The following B3GALT5 variants were observed in gnomAD, a reference collection of about 807,000 sequenced individuals.
The protein encoded by B3GALT5 is UDP-Gal:betaGlcNAc beta 1,3-galactosyltransferase, polypeptide 5.
For synonymous variants in B3GALT5, 156 were observed against 158.6 expected (o/e 0.98, Z 0.12); for missense variants, 328 against 396.6 (o/e 0.83, Z 1.47).
At chr21:39,632,168 A>G (rs955938923) in intron 1 of B3GALT5, among the ~76,000 whole-genome samples, 2 of 152,160 alleles carry the variant, frequency 1.3e-5, no homozygotes, top group Non-Finnish European at 2.9e-5. Context: ...ATTCTGTTCT[A>G]TTCTACTAGT....
intron 1 of B3GALT5, among the ~76,000 whole-genome samples, chr21:39,629,283 G>A (rs186159705): frequency 6.6e-6 from 1 of 152,314 alleles, no homozygotes; most frequent in Admixed American, 6.5e-5. Context: ...CCAAAGTGCT[G>A]GGATTATAGG....
At chr21:39,630,060 T>G (rs1455442312) in intron 1 of B3GALT5, among the ~76,000 whole-genome samples, 2 of 152,258 alleles carry the variant, frequency 1.3e-5, no homozygotes, top group Non-Finnish European at 2.9e-5. Flanking sequence ...TGACTAGTTT[T>G]GGTTTTTGTG....
At position 39,661,353 on chromosome 21, in the gene B3GALT5, C is replaced by T. The variant is rs1178784825; in HGVS notation, c.794C>T (p.Thr265Ile). ...IRLEELHSQP[T>I]FFPGGLRFSV... ...TTGGAGGAGCTCCACTCCCAGCCGA[C>T]CTTTTTTCCAGGGGGCTTACGCTTC... Residue 265 changes from threonine (T) to isoleucine (I), a missense_variant, in exon 4 of 4, where the codon ACC becomes ATC. Transcript: ENST00000684187. This position sits in a 1 kb window ranked among gnomAD's most constrained non-coding sequence, Gnocchi z 4.7. The T allele has an allele frequency of 6.2e-7, 1 of 1,611,414 alleles. No homozygotes were observed. The highest frequency in any genetic ancestry group is 1.7e-5 in the Admixed American group (1 of 59,632).
In B3GALT5 at chr21:39,659,830, C is replaced by T; in HGVS notation, c.-83C>T. ...ATAATTATGGAGCATTCTACACTGA[C>T]AGTTCTTTGAGACAAATTTCCTCTT... On this transcript the variant is annotated 5_prime_UTR_variant, in exon 3 of 4. Coordinates refer to ENST00000684187, the MANE Select transcript of B3GALT5 (RefSeq NM_001356336.2). 1.0e-6 allele frequency: 1 copy of T among 984,884 alleles called. No homozygotes were observed. Among genetic ancestry groups the T allele is most frequent in the Non-Finnish European group, 1.2e-6 (1 of 829,766 alleles). The allele number at this position is 984,884 out of a possible 1,614,324, so 61.0% of individuals were successfully genotyped here.
At position 39,661,312 on chromosome 21, in the gene B3GALT5, AAGGCTGAACATC is replaced by A. The variant is rs2079519990; in HGVS notation, c.756_767del (p.Asn254_Leu257del). ...ACGTGTTTGTGGGGCTCTGCCTCGA[AAGGCTGAACATC>A]AGATTGGAGGAGCTCCACTCCCAGC... On this transcript the variant is annotated inframe_deletion, in exon 4 of 4. Transcript: ENST00000684187. This position sits in a 1 kb window ranked among gnomAD's most constrained non-coding sequence, Gnocchi z 4.7. 8 of 1,614,160 alleles carry A rather than the reference AAGGCTGAACATC, an allele frequency of 5.0e-6. No homozygotes were observed. Among genetic ancestry groups the A allele is most frequent in the Non-Finnish European group, 6.8e-6 (8 of 1,180,030 alleles).
In B3GALT5 at chr21:39,660,917, A is replaced by C. The variant is rs756537928; in HGVS notation, c.358A>C (p.Ile120Leu). 2 of 1,609,766 alleles carry C rather than the reference A, an allele frequency of 1.2e-6. No individual in the cohort carries two copies. Among genetic ancestry groups the C allele is most frequent in the African/African-American group, 1.3e-5 (1 of 74,970 alleles). ...GGAGAGCCAGCGACACGGGGACATTATCCAGAAGGATTTCCTAGACGTCTA... is the reference window on the plus strand; with the variant it reads ...GGAGAGCCAGCGACACGGGGACATTCTCCAGAAGGATTTCCTAGACGTCTA... ...DQESQRHGDI[I>L]QKDFLDVYYN... Residue 120 changes from isoleucine to leucine, a missense_variant, in exon 4 of 4, where the codon ATC becomes CTC. By Grantham distance (5) the Ile-to-Leu change is conservative (BLOSUM62 2). Coordinates refer to ENST00000684187, the MANE Select transcript of B3GALT5 (RefSeq NM_001356336.2).
At position 39,661,307 on chromosome 21, in the gene B3GALT5, C is replaced by A; in HGVS notation, c.748C>A (p.Leu250Ile). 6.2e-7 allele frequency: 1 copy of A among 1,614,142 alleles called. No individual in the cohort carries two copies. Among genetic ancestry groups the A allele is most frequent in the Non-Finnish European group, 8.5e-7 (1 of 1,180,034 alleles). ...GGAAGACGTGTTTGTGGGGCTCTGC[C>A]TCGAAAGGCTGAACATCAGATTGGA... ...KLEDVFVGLCLERLNIRLEEL... is the reference protein window; with the variant it reads ...KLEDVFVGLCIERLNIRLEEL... The change falls in exon 4 of 4, where the codon CTC (leucine) becomes ATC (isoleucine). Residue 250 changes from leucine to isoleucine, a missense_variant. By Grantham distance (5) the Leu-to-Ile change is conservative. Coordinates refer to ENST00000684187, the MANE Select transcript of B3GALT5 (RefSeq NM_001356336.2). This position sits in a 1 kb window ranked among gnomAD's most constrained non-coding sequence, Gnocchi z 4.7.
At chr21:39,631,794 T>C (rs2079193422) in intron 1 of B3GALT5, among the ~76,000 whole-genome samples, 1 of 152,186 alleles carries the variant, frequency 6.6e-6, no homozygotes, top group South Asian at 2.1e-4. Flanking sequence ...TATGAAGGTA[T>C]GCACGAGGAA....
intron 2 of B3GALT5, among the ~76,000 whole-genome samples, chr21:39,647,651 T>C (rs759864930): frequency 3.3e-5 from 5 of 152,168 alleles, no homozygotes; most frequent in Non-Finnish European, 4.4e-5. Context: ...TCCGGCCCCT[T>C]GTTTAAAGTC....
chr21:39,660,455 G>GAGTTT, intron 3 of B3GALT5, 105 bp from the exon 4 acceptor site: 1 of 1,007,138 alleles, frequency 9.9e-7, no homozygotes. Context: ...CGAGGTTCTA[G>GAGTTT]AGTTTCCAAA....
At chr21:39,647,679 A>G (rs898488246) in intron 2 of B3GALT5, among the ~76,000 whole-genome samples, 1 of 151,628 alleles carries the variant, frequency 6.6e-6, no homozygotes, top group Admixed American at 6.6e-5. Context: ...TCCTTCCCCA[A>G]CCCTTTGTCT....
chr21:39,659,102 T>C (rs1003692521), intron 2 of B3GALT5, among the ~76,000 whole-genome samples: 4 of 152,068 alleles, frequency 2.6e-5, no homozygotes, highest in Non-Finnish European at 4.4e-5. Flanking sequence ...TAGAAGAGTA[T>C]GGTGGCATGC....
chr21:39,654,467 A>C (rs1315018530), intron 2 of B3GALT5, among the ~76,000 whole-genome samples: 1 of 152,230 alleles, frequency 6.6e-6, no homozygotes, highest in Non-Finnish European at 1.5e-5. Flanking sequence ...ACTCCTGGTG[A>C]AGATGCTGTG....
At chr21:39,659,298 C>T (rs911040201) in intron 2 of B3GALT5, among the ~76,000 whole-genome samples, 1 of 152,192 alleles carries the variant, frequency 6.6e-6, no homozygotes, top group African/African-American at 2.4e-5. Context: ...TTCACTCTTT[C>T]AGTTTCATTT....
rs116341199 is a variant in B3GALT5, at chr21:39,664,942, C to A, written c.*3450C>A. 1 of 152,292 alleles carries A rather than the reference C, an allele frequency of 6.6e-6. No individual in the cohort carries two copies. The highest frequency in any genetic ancestry group is 1.5e-5 in the Non-Finnish European group (1 of 68,144). 9.4% of individuals were successfully genotyped at this position (152,292 alleles called of 1,614,324 possible). A position where few individuals can be genotyped will look rare whatever the true frequency, so the allele number is the denominator to read the frequency against. On this transcript the variant is annotated 3_prime_UTR_variant, in exon 4 of 4. Transcript: ENST00000684187. The stretch of plus-strand genomic sequence containing the variant: ...GGGCCCCCTTTCTTCCCTGGTTATA[C>A]CCAGTCCTCCGAGGGGCCCACCTTG...
At chr21:39,614,289 AT>A (rs2079096192) in intron 1 of B3GALT5, among the ~76,000 whole-genome samples, 2 of 151,918 alleles carry the variant, frequency 1.3e-5, no homozygotes, top group African/African-American at 4.8e-5. Flanking sequence ...ATCTCCTTTC[AT>A]TTTTTCCTTC....
rs373522826 is a variant in B3GALT5, at chr21:39,655,719, A to G, written c.-160-4034A>G. 4.8e-4 allele frequency among the ~76,000 whole-genome samples: 73 copies of G among 152,262 alleles called. 2 individuals are homozygous for G. In the South Asian group the frequency reaches 0.015, roughly 30 times the overall value. ...TAGTCTCGTGGAAAATTTGCCTCCT[A>G]AAATGTCTTTCCTCTGAGAAAGCCC... On this transcript the variant is annotated intron_variant, in intron 2 of 3. Transcript: ENST00000684187.
At chr21:39,633,947 G>A (rs1403536977) in intron 1 of B3GALT5, among the ~76,000 whole-genome samples, 1 of 152,136 alleles carries the variant, frequency 6.6e-6, no homozygotes, top group Non-Finnish European at 1.5e-5. Context: ...TAAGCATTGG[G>A]TGTTGGCGTC....
Position 39,613,005 on chromosome 21 carries a change from T to A in B3GALT5, c.-454T>A, listed in dbSNP as rs1297023013. On this transcript the variant is annotated 5_prime_UTR_variant, in exon 1 of 4. An upstream start codon of the reference 5' UTR is lost. Transcript: ENST00000684187. ...CGCCCCCTGCGTCCGCGGGCCGGGATGCGGCTCTGAGCCAGCGGCGGCTTC... is the reference window on the plus strand; with the variant it reads ...CGCCCCCTGCGTCCGCGGGCCGGGAAGCGGCTCTGAGCCAGCGGCGGCTTC... 2.6e-5 allele frequency: 4 copies of A among 151,420 alleles called. No homozygotes were observed. The highest frequency in any genetic ancestry group is 5.9e-5 in the Non-Finnish European group (4 of 67,882). 9.4% of individuals were successfully genotyped at this position (151,420 alleles called of 1,614,324 possible).
Sources: gnomAD v4.1 joint callset for allele counts (sites outside exome capture counted in the v4.1 genomes callset) on GRCh38, gnomAD v4.1.1 for gene constraint, Gnocchi (gnomAD v3.1) non-coding constraint, MANE v1.5 for transcripts, NCBI Gene and HGNC (gene_info 2026-07-23, HGNC 2026-07-21) for gene names.